ZNRF3: variants seen among roughly 807,000 people sequenced by gnomAD.
ZNRF3 encodes E3 ubiquitin-protein ligase ZNRF3.
ZNRF3 carries 23 observed loss-of-function variants against 72.5 expected under a neutral mutation model. The observed-to-expected ratio is 0.32, with a 90% CI of 0.23 to 0.45. ZNRF3 has a LOEUF of 0.45. Ranked by LOEUF, ZNRF3 falls within the 20% of genes least tolerant of loss-of-function variation. The pLI, the probability that ZNRF3 is intolerant of heterozygous loss-of-function variation, is 1.00. For missense variants in ZNRF3, 1,169 were observed against 1,272.1 expected, an observed-to-expected ratio of 0.92 and a Z score of 1.23; for synonymous variants, 610 against 545.3, an observed-to-expected ratio of 1.12 and a Z score of -1.65.
intron 1 of ZNRF3, among the ~76,000 whole-genome samples, chr22:28,898,014 C>A (rs1252342037): frequency 6.6e-6 from 1 of 152,136 alleles, no homozygotes; most frequent in Non-Finnish European, 1.5e-5. Flanking sequence ...ACGATCTCAT[C>A]TCACTGCAAC....
intron 2 of ZNRF3, among the ~76,000 whole-genome samples, chr22:29,033,894 C>T (rs975209115): frequency 1.3e-5 from 2 of 152,114 alleles, no homozygotes; most frequent in Non-Finnish European, 2.9e-5. Context: ...CAGAAATGTC[C>T]GGGACAGTGT....
chr22:28,966,867 CTTTTTTT>C (rs530036984), intron 1 of ZNRF3, among the ~76,000 whole-genome samples: 6 of 102,460 alleles, frequency 5.9e-5, no homozygotes, highest in African/African-American at 8.0e-5. Flanking sequence ...TTTTAAAAAT[CTTTTTTT>C]TTTTTTTTTT....
At chr22:28,925,344 C>G (rs2034581850) in intron 1 of ZNRF3, among the ~76,000 whole-genome samples, 1 of 152,206 alleles carries the variant, frequency 6.6e-6, no homozygotes. Context: ...CTTCTCTCCA[C>G]AAACCTGTTT....
chr22:29,037,607 C>T (rs1224781541), intron 2 of ZNRF3, among the ~76,000 whole-genome samples: 10 of 152,158 alleles, frequency 6.6e-5, no homozygotes, highest in African/African-American at 2.2e-4. Context: ...GAATTTTGTA[C>T]TTTGCAAATG....
chr22:29,031,760 C>G (rs1179270160), intron 2 of ZNRF3: 1 of 321,268 alleles, frequency 3.1e-6, no homozygotes, highest in Non-Finnish European at 4.5e-6. Flanking sequence ...TGGCCAGTCC[C>G]TAGGACCGGC....
At chr22:28,961,353 A>G (rs891169359) in intron 1 of ZNRF3, among the ~76,000 whole-genome samples, 3 of 152,252 alleles carry the variant, frequency 2.0e-5, no homozygotes, top group Non-Finnish European at 4.4e-5. Flanking sequence ...ATCCAGAGCT[A>G]TTGGTTGACA....
chr22:28,926,985 G>A (rs1167301898), intron 1 of ZNRF3, among the ~76,000 whole-genome samples: 3 of 149,688 alleles, frequency 2.0e-5, no homozygotes, highest in Admixed American at 6.7e-5. Context: ...AGCTGGGTGT[G>A]GGCACATGCC....
At chr22:28,987,047 T>G (rs1333238660) in intron 1 of ZNRF3, 29 bp from the exon 2 acceptor site, 1 of 1,595,702 alleles carries the variant, frequency 6.3e-7, no homozygotes, top group African/African-American at 1.3e-5. Flanking sequence ...GCTTGCCTGC[T>G]GAAGTTTTCT....
At chr22:29,011,081 C>CT (rs921515958) in intron 2 of ZNRF3, among the ~76,000 whole-genome samples, 11 of 152,150 alleles carry the variant, frequency 7.2e-5, no homozygotes, top group Non-Finnish European at 1.3e-4. Flanking sequence ...CTTCATCTAC[C>CT]TTTTTTTTGT....
chr22:28,955,032 GT>G (rs372334361), intron 1 of ZNRF3, among the ~76,000 whole-genome samples: 2,252 of 137,140 alleles, frequency 0.016, 60 homozygotes, highest in African/African-American at 0.058. Context: ...TATTTTTGGT[GT>G]TTTTTTTTTT....
At chr22:28,950,159 G>A (rs919087224) in intron 1 of ZNRF3, among the ~76,000 whole-genome samples, 5 of 152,166 alleles carry the variant, frequency 3.3e-5, no homozygotes, top group African/African-American at 4.8e-5. Context: ...ACATGAATCA[G>A]TGCAAATGTC....
intron 1 of ZNRF3, among the ~76,000 whole-genome samples, chr22:28,981,498 A>T (rs749939500): frequency 2.0e-5 from 3 of 152,236 alleles, no homozygotes; most frequent in Non-Finnish European, 4.4e-5. Flanking sequence ...TTTAGGGCCT[A>T]GTATTTCTTA....
intron 2 of ZNRF3, among the ~76,000 whole-genome samples, chr22:29,029,488 C>T (rs1483536958): frequency 6.6e-6 from 1 of 152,202 alleles, no homozygotes; most frequent in Non-Finnish European, 1.5e-5. Context: ...GGGTCTACAT[C>T]AGTCCAACTG....
At chr22:29,038,576 C>G (rs1470824165) in intron 2 of ZNRF3, among the ~76,000 whole-genome samples, 2 of 152,178 alleles carry the variant, frequency 1.3e-5, no homozygotes, top group South Asian at 2.1e-4. Flanking sequence ...AGCAGTCCTC[C>G]TGCCTCAACC....
intron 1 of ZNRF3, among the ~76,000 whole-genome samples, chr22:28,985,275 T>C (rs943095712): frequency 1.6e-4 from 24 of 152,306 alleles, no homozygotes; most frequent in African/African-American, 5.8e-4. Flanking sequence ...TGAGCCCTTC[T>C]CTTTCCTTCT....
intron 1 of ZNRF3, among the ~76,000 whole-genome samples, chr22:28,933,750 T>A (rs58114085): frequency 0.063 from 419 of 6,648 alleles, 5 homozygotes; most frequent in African/African-American, 0.095. Flanking sequence ...ACACACACAC[T>A]CACTCTCTCT....
At chr22:28,953,378 A>C (rs1280524892) in intron 1 of ZNRF3, among the ~76,000 whole-genome samples, 1 of 152,176 alleles carries the variant, frequency 6.6e-6, no homozygotes, top group Non-Finnish European at 1.5e-5. Context: ...CAGAGTTGTG[A>C]GGCCACAGCC....
intron 1 of ZNRF3, among the ~76,000 whole-genome samples, chr22:28,964,311 G>A (rs1384997439): frequency 1.3e-5 from 2 of 152,184 alleles, no homozygotes; most frequent in Non-Finnish European, 2.9e-5. Flanking sequence ...TATCCTCAAA[G>A]GTCTTCATCC....
At chr22:28,948,363 G>C (rs1220627392) in intron 1 of ZNRF3, among the ~76,000 whole-genome samples, 1 of 150,346 alleles carries the variant, frequency 6.7e-6, no homozygotes, top group Non-Finnish European at 1.5e-5. Flanking sequence ...ACCGAGTCTT[G>C]CTTTGCTGCC....
Sources: gnomAD v4.1 joint callset for allele counts (sites outside exome capture counted in the v4.1 genomes callset) on GRCh38, gnomAD v4.1.1 for gene constraint, MANE v1.5 for transcripts, NCBI Gene and HGNC (gene_info 2026-07-23, HGNC 2026-07-21) for gene names.